Variants in LRP1B observed in about 807,000 individuals in gnomAD.
LRP1B encodes the protein LDL receptor related protein 1B.
A neutral mutation model predicts 556.6 loss-of-function variants in LRP1B; 217 were observed. That is an observed-to-expected ratio of 0.39 (90% CI 0.35 to 0.44). The LOEUF (loss-of-function observed/expected upper bound fraction) is 0.44, where lower values mean the gene tolerates loss of function less well. LRP1B is among the 20% of genes least tolerant of loss of function. LRP1B has a pLI of 1.00. For synonymous variants in LRP1B, 2,047 were observed against 1,865.8 expected (o/e 1.10, Z -2.50); for missense variants, 5,053 against 5,620.8 (o/e 0.90, Z 3.23).
At chr2:140,974,299 A>G (rs1257842481) in intron 18 of LRP1B, among the ~76,000 whole-genome samples, 1 of 152,228 alleles carries the variant, frequency 6.6e-6, no homozygotes, top group Non-Finnish European at 1.5e-5. Flanking sequence ...TTCTGGGAAC[A>G]GTTTTAGAAG....
At chr2:142,124,691 T>C (rs1466803034) in intron 1 of LRP1B, among the ~76,000 whole-genome samples, 2 of 151,910 alleles carry the variant, frequency 1.3e-5, no homozygotes, top group Non-Finnish European at 3.0e-5. Flanking sequence ...TTTAAACTTG[T>C]ATAATACCCC....
At chr2:141,092,829 T>C (rs1268781869) in intron 7 of LRP1B, among the ~76,000 whole-genome samples, 3 of 152,176 alleles carry the variant, frequency 2.0e-5, no homozygotes, top group Admixed American at 2.0e-4. Flanking sequence ...AATGGATTAT[T>C]GTATTTAGAC....
chr2:141,636,518 A>T (rs1689113349), intron 2 of LRP1B, among the ~76,000 whole-genome samples: 1 of 152,168 alleles, frequency 6.6e-6, no homozygotes, highest in Non-Finnish European at 1.5e-5. Flanking sequence ...TTGGAAGATA[A>T]TGTGCAATAT....
At chr2:141,890,989 G>A (rs1699272462) in intron 1 of LRP1B, among the ~76,000 whole-genome samples, 1 of 151,954 alleles carries the variant, frequency 6.6e-6, no homozygotes, top group East Asian at 1.9e-4. Flanking sequence ...AAAAAGCCAG[G>A]GTCTAAGCAG....
At position 140,485,520 on chromosome 2, in the gene LRP1B, A is replaced by T; in HGVS notation, c.9248T>A (p.Val3083Asp). The part of the protein sequence containing the change: ...MCLNGSDIKV[V>D]HNTAVPNALA... Reference sequence around the variant, plus strand: ...TGCATTGGGGACCGCTGTGTTATGAACTACCTACAAAACAAGAATTTAAAA... The same window carrying T: ...TGCATTGGGGACCGCTGTGTTATGATCTACCTACAAAACAAGAATTTAAAA... Residue 3083 changes from valine to aspartate, a missense_variant, in exon 59 of 91, where the codon GTT (valine) becomes GAT (aspartate). This residue lies in a region of LRP1B where 3,619 missense variants were observed against 3,931.9 expected (regional missense o/e 0.92). Transcript: ENST00000389484. The T allele has an allele frequency of 6.2e-7, 1 of 1,610,466 alleles. No homozygotes were observed. Among genetic ancestry groups the T allele is most frequent in the Admixed American group, 1.7e-5 (1 of 59,234 alleles).
chr2:140,638,496 A>T (rs1262550708), intron 41 of LRP1B, among the ~76,000 whole-genome samples: 2 of 152,182 alleles, frequency 1.3e-5, no homozygotes, highest in Non-Finnish European at 2.9e-5. Context: ...AAAAAGATTA[A>T]ACTCTCTGAG....
At chr2:141,500,525 A>G (rs1036736972) in intron 2 of LRP1B, among the ~76,000 whole-genome samples, 21 of 152,144 alleles carry the variant, frequency 1.4e-4, no homozygotes, top group African/African-American at 3.9e-4. Flanking sequence ...TTCTCATTCT[A>G]TAAAAGGGAA....
chr2:140,294,379 A>G (rs1683518332), intron 84 of LRP1B, among the ~76,000 whole-genome samples: 1 of 152,150 alleles, frequency 6.6e-6, no homozygotes, highest in Non-Finnish European at 1.5e-5. Flanking sequence ...TTATGTATTT[A>G]TTTGTGTGAT....
At chr2:141,814,044 G>A (rs544637462) in intron 1 of LRP1B, among the ~76,000 whole-genome samples, 26 of 152,230 alleles carry the variant, frequency 1.7e-4, no homozygotes, top group East Asian at 1.2e-3. Flanking sequence ...GGCTTGGCCC[G>A]CAACCAATTG....
intron 1 of LRP1B, among the ~76,000 whole-genome samples, chr2:141,843,013 C>T (rs1386887571): frequency 6.6e-6 from 1 of 151,984 alleles, no homozygotes; most frequent in African/African-American, 2.4e-5. Context: ...AATATTAAAA[C>T]TATTTATTTT....
At chr2:140,786,726 A>G (rs551650371) in intron 32 of LRP1B, among the ~76,000 whole-genome samples, 2 of 152,288 alleles carry the variant, frequency 1.3e-5, no homozygotes, top group Admixed American at 1.3e-4. Context: ...ATATGGCCCT[A>G]AACTCTTTCC....
At chr2:141,257,804 A>G (rs1018694610) in intron 3 of LRP1B, among the ~76,000 whole-genome samples, 1 of 152,228 alleles carries the variant, frequency 6.6e-6, no homozygotes, top group Non-Finnish European at 1.5e-5. Flanking sequence ...CAATATGAAT[A>G]CTAAAATTTA....
intron 35 of LRP1B, among the ~76,000 whole-genome samples, chr2:140,736,175 T>C (rs990457741): frequency 4.6e-5 from 7 of 152,004 alleles, no homozygotes; most frequent in African/African-American, 1.4e-4. Flanking sequence ...GAAATAGATA[T>C]ATTATGTGAG....
At chr2:140,434,201 C>T (rs935199090) in intron 66 of LRP1B, among the ~76,000 whole-genome samples, 3 of 152,102 alleles carry the variant, frequency 2.0e-5, no homozygotes, top group Admixed American at 6.6e-5. Flanking sequence ...TCCCGAGTAG[C>T]TGGGATTGCA....
chr2:141,639,930 T>A (rs1444978726), intron 2 of LRP1B, among the ~76,000 whole-genome samples: 2 of 152,284 alleles, frequency 1.3e-5, no homozygotes, highest in East Asian at 3.9e-4. Context: ...CAGGAAGATA[T>A]GTGCAATGAG....
At chr2:141,303,159 T>G (rs1486906744) in intron 3 of LRP1B, among the ~76,000 whole-genome samples, 1 of 152,124 alleles carries the variant, frequency 6.6e-6, no homozygotes, top group Admixed American at 6.6e-5. Flanking sequence ...TTTTAATTGA[T>G]AATATGTGTA....
chr2:141,497,330 T>C (rs867059897), intron 2 of LRP1B, among the ~76,000 whole-genome samples: 23 of 152,010 alleles, frequency 1.5e-4, no homozygotes, highest in African/African-American at 5.6e-4. Flanking sequence ...CTACCTGCAA[T>C]TACTCACACC....
At chr2:141,541,968 A>G (rs1458498300) in intron 2 of LRP1B, among the ~76,000 whole-genome samples, 1 of 152,088 alleles carries the variant, frequency 6.6e-6, no homozygotes, top group Non-Finnish European at 1.5e-5. Flanking sequence ...GGCAGGCATC[A>G]TGGCAAATTT....
chr2:141,630,619 ATG>A (rs1688872111), intron 2 of LRP1B, among the ~76,000 whole-genome samples: 2 of 152,356 alleles, frequency 1.3e-5, no homozygotes, highest in Admixed American at 1.3e-4. Flanking sequence ...GTCACGACAG[ATG>A]GTCCCTGACT....
Sources: allele counts gnomAD v4.1 joint callset (sites outside exome capture counted in the v4.1 genomes callset), GRCh38; gene constraint gnomAD v4.1.1; regional missense constraint gnomAD v4.1.1; transcripts MANE v1.5; gene names NCBI Gene and HGNC (gene_info 2026-07-23, HGNC 2026-07-21).